The following SIM2 variants were observed in gnomAD, a reference collection of about 807,000 sequenced individuals.
SIM2 encodes the protein single-minded homolog 2.
SIM2 carries 28 observed loss-of-function variants against 64.8 expected under a neutral mutation model. The observed-to-expected ratio is 0.43, with a 90% CI of 0.32 to 0.59. SIM2 has a LOEUF of 0.59. SIM2 is among the 20% of genes least tolerant of loss of function. The pLI, the probability that SIM2 is intolerant of heterozygous loss-of-function variation, is 0.07. For missense variants in SIM2, 847 were observed against 871.4 expected (o/e 0.97, Z 0.35); for synonymous variants, 408 against 391.1 (o/e 1.04, Z -0.51).
intron 7 of SIM2, among the ~76,000 whole-genome samples, chr21:36,735,076 A>G (rs944124873): frequency 6.6e-6 from 1 of 152,180 alleles, no homozygotes; most frequent in African/African-American, 2.4e-5. Flanking sequence ...CTGGCGCTCA[A>G]CGCCGGGGAT....
chr21:36,720,049 C>T (rs2088804028), intron 4 of SIM2, 120 bp downstream of exon 4: 1 of 696,548 alleles, frequency 1.4e-6, no homozygotes, highest in Admixed American at 2.3e-5. Flanking sequence ...GACTGCCCAG[C>T]CCAGGTCTCT....
chr21:36,717,285 G>C (rs966653236), intron 3 of SIM2, among the ~76,000 whole-genome samples: 1 of 152,142 alleles, frequency 6.6e-6, no homozygotes, highest in African/African-American at 2.4e-5. Flanking sequence ...CTTTTTTCCA[G>C]AAAAGAACTT....
intron 7 of SIM2, among the ~76,000 whole-genome samples, chr21:36,741,057 G>A (rs913586725): frequency 2.0e-5 from 3 of 152,162 alleles, no homozygotes; most frequent in Admixed American, 6.6e-5. Flanking sequence ...GCTGCTTAGC[G>A]GCCTGGAGTT....
rs2089222430 is a variant in SIM2 at position 36,745,886 on chromosome 21, G to A, written c.1576+750G>A. The A allele has an allele frequency of 7.7e-7, 1 of 1,300,306 alleles. No individual in the cohort carries two copies. Among genetic ancestry groups the A allele is most frequent in the Non-Finnish European group, 1.0e-6 (1 of 986,418 alleles). 80.5% of individuals were successfully genotyped at this position (1,300,306 alleles called of 1,614,324 possible). A position where few individuals can be genotyped will look rare whatever the true frequency, so the allele number is the denominator to read the frequency against. ...GCTGGACCAACCCCAGGCAGAAGGT[G>A]GAAGGTGGGAACAGAGGTTTAGCTG... On this transcript the variant is annotated intron_variant, in intron 10 of 10. Coordinates refer to ENST00000290399, the MANE Select transcript of SIM2 (RefSeq NM_005069.6). The surrounding 1 kb of genome is among the most constrained non-coding windows in gnomAD (Gnocchi z 4.8).
rs1299374054 is a variant in SIM2, at chr21:36,709,203, G to A, written c.211G>A (p.Gly71Arg). The A allele has an allele frequency of 1.9e-6, 3 of 1,610,612 alleles. No individual in the cohort carries two copies. Among genetic ancestry groups the A allele is most frequent in the Non-Finnish European group, 1.7e-6 (2 of 1,178,872 alleles). Residue 71 changes from glycine to arginine, a missense_variant, in exon 2 of 11, where the codon GGG (glycine) becomes AGG (arginine). This residue lies in a region of SIM2 where 397 missense variants were observed against 439.2 expected (regional missense o/e 0.90). Coordinates refer to ENST00000290399, the MANE Select transcript of SIM2 (RefSeq NM_005069.6). ...CGCGTGGGGACAGCCGAGCCGCGCC[G>A]GGCCCCTGGACGGCGTCGCCAAGGA... ...GDAWGQPSRA[G>R]PLDGVAKELG...
At chr21:36,740,605 G>A (rs956947902) in intron 7 of SIM2, among the ~76,000 whole-genome samples, 5 of 152,226 alleles carry the variant, frequency 3.3e-5, no homozygotes, top group South Asian at 2.1e-4. Flanking sequence ...AAAAGGAACC[G>A]TAAAGGGCCA....
chr21:36,707,601 T>G (rs1392024136), intron 1 of SIM2, among the ~76,000 whole-genome samples: 5 of 152,114 alleles, frequency 3.3e-5, no homozygotes, highest in Non-Finnish European at 7.3e-5. Flanking sequence ...TTTTAACTTT[T>G]TTTTTTTTAG....
intron 8 of SIM2, 137 bp downstream of exon 8, chr21:36,742,001 A>C: frequency 1.3e-6 from 1 of 798,844 alleles, no homozygotes; most frequent in Non-Finnish European, 1.7e-6. Context: ...CTTTTTTTTA[A>C]TTTTTTTTTT....
At chr21:36,707,958 G>GCTGGGT (rs1568925016) in intron 1 of SIM2, among the ~76,000 whole-genome samples, 2 of 152,118 alleles carry the variant, frequency 1.3e-5, no homozygotes. Flanking sequence ...TGGGGCTGGG[G>GCTGGGT]CTGGGCCTGG....
intron 9 of SIM2, among the ~76,000 whole-genome samples, chr21:36,744,416 G>T (rs1182430649): frequency 6.6e-6 from 1 of 150,746 alleles, no homozygotes; most frequent in Non-Finnish European, 1.5e-5. Flanking sequence ...AAAGAAAAAA[G>T]AAATAAAGAA....
chr21:36,702,938 G>GAAAA (rs2088523907), intron 1 of SIM2, among the ~76,000 whole-genome samples: 2 of 28,380 alleles, frequency 7.0e-5, no homozygotes, highest in Non-Finnish European at 1.4e-4. Flanking sequence ...GACTCTGGGA[G>GAAAA]GAAGAAAAAA....
In SIM2 at chr21:36,745,320, G is replaced by A. The variant is rs1410995396; in HGVS notation, c.1576+184G>A. On this transcript the variant is annotated intron_variant, in intron 10 of 10. Transcript: ENST00000290399. The surrounding 1 kb of genome is among the most constrained non-coding windows in gnomAD (Gnocchi z 4.8). ...CTCAATGCAGGTGCTCCTCGAGAGTGAGAAATGGCAGTCTGCCTGCCTCGG... is the reference window on the plus strand; with the variant it reads ...CTCAATGCAGGTGCTCCTCGAGAGTAAGAAATGGCAGTCTGCCTGCCTCGG... 38 of 1,444,504 alleles carry A rather than the reference G, an allele frequency of 2.6e-5. No individual in the cohort carries two copies. Among genetic ancestry groups the A allele is most frequent in the Non-Finnish European group, 3.5e-5 (38 of 1,094,710 alleles). The allele number at this position is 1,444,504 out of a possible 1,614,324, so 89.5% of individuals were successfully genotyped here.
At chr21:36,738,907 C>T (rs2089114571) in intron 7 of SIM2, among the ~76,000 whole-genome samples, 1 of 152,182 alleles carries the variant, frequency 6.6e-6, no homozygotes, top group African/African-American at 2.4e-5. Flanking sequence ...TCTGCATGGT[C>T]CGGGAGAGAC....
rs574459006 is a variant in SIM2 at position 36,748,963 on chromosome 21, T to C, written c.*871T>C. The C allele has an allele frequency of 6.5e-6, 1 of 152,706 alleles. No individual in the cohort carries two copies. Among genetic ancestry groups the C allele is most frequent in the Non-Finnish European group, 1.5e-5 (1 of 68,026 alleles). The allele number at this position is 152,706 out of a possible 1,614,324, so 9.5% of individuals were successfully genotyped here. On this transcript the variant is annotated 3_prime_UTR_variant, in exon 11 of 11. Coordinates refer to ENST00000290399, the MANE Select transcript of SIM2 (RefSeq NM_005069.6). ...CTAGGCTCGTGTTTGCTACAAATAGTGCTAATAAAGTTAAATTGCACGTGC... is the reference window on the plus strand; with the variant it reads ...CTAGGCTCGTGTTTGCTACAAATAGCGCTAATAAAGTTAAATTGCACGTGC...
chr21:36,721,565 C>T (rs2088822810), intron 4 of SIM2, among the ~76,000 whole-genome samples: 1 of 152,060 alleles, frequency 6.6e-6, no homozygotes, highest in Non-Finnish European at 1.5e-5. Flanking sequence ...TCAGCCCTCC[C>T]AAGTAGCTGG....
chr21:36,744,648 CG>C, intron 9 of SIM2, 79 bp from the exon 10 acceptor site: 1 of 1,480,402 alleles, frequency 6.8e-7, no homozygotes, highest in Non-Finnish European at 9.0e-7. Flanking sequence ...TGGGCCCCGT[CG>C]GGACGGTTCT....
At chr21:36,740,110 T>G (rs985424687) in intron 7 of SIM2, among the ~76,000 whole-genome samples, 1 of 140,294 alleles carries the variant, frequency 7.1e-6, no homozygotes, top group Non-Finnish European at 1.6e-5. Flanking sequence ...TGGCCTTTCA[T>G]TTTTTTTTTT....
Position 36,745,392 on chromosome 21 carries a change from C to G in SIM2, c.1576+256C>G. The G allele has an allele frequency of 7.3e-7, 1 of 1,361,100 alleles. No individual in the cohort carries two copies. Among genetic ancestry groups the G allele is most frequent in the Non-Finnish European group, 9.6e-7 (1 of 1,045,142 alleles). 84.3% of individuals were successfully genotyped at this position (1,361,100 alleles called of 1,614,324 possible). ...GGGCAAAGGAAAACCGAGTATCTGG[C>G]CTTCACGTAAATCCTGGCCACATTC... On this transcript the variant is annotated intron_variant, in intron 10 of 10. Transcript: ENST00000290399. This position sits in a 1 kb window ranked among gnomAD's most constrained non-coding sequence, Gnocchi z 4.8.
At chr21:36,728,141 G>A (rs1369759460) in intron 6 of SIM2, among the ~76,000 whole-genome samples, 1 of 152,222 alleles carries the variant, frequency 6.6e-6, no homozygotes, top group Non-Finnish European at 1.5e-5. Context: ...GGACCCCTCT[G>A]CTCCCTCTTT....
Sources: allele counts gnomAD v4.1 joint callset (sites outside exome capture counted in the v4.1 genomes callset), GRCh38; gene constraint gnomAD v4.1.1; regional missense constraint gnomAD v4.1.1; non-coding constraint Gnocchi (gnomAD v3.1); transcripts MANE v1.5; gene names NCBI Gene and HGNC (gene_info 2026-07-23, HGNC 2026-07-21).